Variants in ANKUB1 observed in about 807,000 individuals in gnomAD.
ANKUB1 encodes protein ANKUB1.
ANKUB1 carries 42 observed loss-of-function variants against 49.3 expected under a neutral mutation model. That is an observed-to-expected ratio of 0.85 (90% CI 0.67 to 1.10). ANKUB1 has a LOEUF of 1.10. Ranked by LOEUF, ANKUB1 falls within the 50% of genes least tolerant of loss-of-function variation. The probability of loss-of-function intolerance (pLI) is 0.00; values close to 1 mark genes in which losing one functional copy is unlikely to be tolerated. For synonymous variants in ANKUB1, 222 were observed against 231.0 expected, an observed-to-expected ratio of 0.96 and a Z score of 0.35; for missense variants, 613 against 642.0, an observed-to-expected ratio of 0.95 and a Z score of 0.49.
chr3:149,785,988 G>T (rs562990606), intron 2 of ANKUB1, among the ~76,000 whole-genome samples: 1 of 152,092 alleles, frequency 6.6e-6, no homozygotes, highest in South Asian at 2.1e-4. Context: ...TTGTGGTTTT[G>T]ATTTGCATTT....
chr3:149,780,394 A>G lies in ANKUB1; in HGVS notation c.296T>C (p.Met99Thr). Reference protein sequence around the residue: ...NAVTQDTMPVMESISLLDKTV... With the variant: ...NAVTQDTMPVTESISLLDKTV... ...TTTATCAAGAAGGGAAATGCTCTCC[A>G]TTACTGGCATTGTGTCTTGAGTTAC... Residue 99 changes from methionine to threonine, a missense_variant, in exon 3 of 6, where the codon ATG (methionine) becomes ACG (threonine). Physicochemically the swap from Met to Thr is moderately conservative, Grantham distance 81. Transcript: ENST00000446160. 6.4e-7 allele frequency: 1 copy of G among 1,552,246 alleles called. No individual in the cohort carries two copies. Among genetic ancestry groups the G allele is most frequent in the Non-Finnish European group, 8.7e-7 (1 of 1,147,076 alleles).
chr3:149,791,591 T>C (rs767179567), intron 1 of ANKUB1, among the ~76,000 whole-genome samples: 5 of 152,210 alleles, frequency 3.3e-5, no homozygotes, highest in Admixed American at 6.5e-5. Flanking sequence ...ATCTACTGAA[T>C]ATCATGTAAC....
At chr3:149,786,091 A>G (rs1003171125) in intron 2 of ANKUB1, among the ~76,000 whole-genome samples, 1 of 152,044 alleles carries the variant, frequency 6.6e-6, no homozygotes, top group African/African-American at 2.4e-5. Flanking sequence ...GCCAGAGTGC[A>G]GTGGTGCTAT....
chr3:149,783,283 T>A (rs1717948675), intron 2 of ANKUB1: 1 of 152,198 alleles, frequency 6.6e-6, no homozygotes, highest in Non-Finnish European at 1.5e-5. Context: ...TCCCCAAGTA[T>A]TCTGAATCAC....
At chr3:149,781,190 C>T (rs1333385434) in intron 2 of ANKUB1, among the ~76,000 whole-genome samples, 1 of 152,054 alleles carries the variant, frequency 6.6e-6, no homozygotes, top group Non-Finnish European at 1.5e-5. Flanking sequence ...TTGTTTCTTT[C>T]ATTTTGTAAT....
At chr3:149,776,555 A>C (rs771660960) in intron 3 of ANKUB1, among the ~76,000 whole-genome samples, 58 of 152,204 alleles carry the variant, frequency 3.8e-4, no homozygotes, top group Non-Finnish European at 7.2e-4. Flanking sequence ...TTTAAAAAAA[A>C]GTACTCTCTG....
intron 2 of ANKUB1, among the ~76,000 whole-genome samples, chr3:149,790,256 G>A (rs561582482): frequency 6.6e-5 from 10 of 152,148 alleles, no homozygotes; most frequent in African/African-American, 2.2e-4. Flanking sequence ...AAGCCCAACC[G>A]TGCATCTTAA....
At chr3:149,790,321 A>T (rs915134074) in intron 2 of ANKUB1, among the ~76,000 whole-genome samples, 2 of 152,158 alleles carry the variant, frequency 1.3e-5, no homozygotes, top group African/African-American at 4.8e-5. Context: ...TTGCCTGTAC[A>T]CCTAATTGGA....
In ANKUB1 at chr3:149,767,991, A is replaced by C; in HGVS notation, c.671T>G (p.Val224Gly). Residue 224 changes from valine (V) to glycine (G), a missense_variant, in exon 5 of 6, where the codon GTT becomes GGT. Val to Gly is a moderately radical substitution (Grantham distance 109). Transcript: ENST00000446160. ...ATGGCACCATGCTCGATAGGGGTGAACACCGACTGCCTCGTGGGGCCGCGC... is the reference window on the plus strand; with the variant it reads ...ATGGCACCATGCTCGATAGGGGTGACCACCGACTGCCTCGTGGGGCCGCGC... ...QGARPHEAVG[V>G]HPYRAWCHEA... is the part of the protein sequence containing the mutation. The C allele has an allele frequency of 6.6e-7, 1 of 1,522,832 alleles. No individual in the cohort carries two copies. Among genetic ancestry groups the C allele is most frequent in the Admixed American group, 2.0e-5 (1 of 48,798 alleles). 94.3% of individuals were successfully genotyped at this position (1,522,832 alleles called of 1,614,324 possible).
At chr3:149,782,922 CA>C (rs1220951776) in intron 2 of ANKUB1, among the ~76,000 whole-genome samples, 1 of 148,304 alleles carries the variant, frequency 6.7e-6, no homozygotes, top group Admixed American at 6.9e-5. Context: ...TCTTAAGTCT[CA>C]AGAAAATTAA....
At chr3:149,764,072 C>A (rs1429574999) in intron 5 of ANKUB1, 1 of 455,220 alleles carries the variant, frequency 2.2e-6, no homozygotes, top group East Asian at 6.9e-5. Context: ...AGGTTCTTCC[C>A]CATTTCCTGG....
chr3:149,764,764 C>T (rs1716941550), intron 5 of ANKUB1, among the ~76,000 whole-genome samples: 1 of 150,058 alleles, frequency 6.7e-6, no homozygotes. Flanking sequence ...CTTTCCTTCA[C>T]AGAATAACAC....
chr3:149,771,302 T>C (rs1717348981), intron 3 of ANKUB1, among the ~76,000 whole-genome samples: 1 of 152,152 alleles, frequency 6.6e-6, no homozygotes, highest in Admixed American at 6.5e-5. Context: ...TTACGCAAGT[T>C]CCCTGGGGAT....
At chr3:149,770,862 G>T (rs1272613129) in intron 3 of ANKUB1, among the ~76,000 whole-genome samples, 188 bp from the exon 4 acceptor site, 2 of 152,210 alleles carry the variant, frequency 1.3e-5, no homozygotes, top group African/African-American at 4.8e-5. Flanking sequence ...AAGCTGTTTG[G>T]CATCTGTGTA....
In ANKUB1 at chr3:149,770,620, C is replaced by A; in HGVS notation, c.506G>T (p.Cys169Phe). ...WDGWKEFLMGCLLGQKLKVQR... is the reference protein window; with the variant it reads ...WDGWKEFLMGFLLGQKLKVQR... Reference sequence around the variant, plus strand: ...GACTTTAAGTTTTTGTCCAAGGAGACAACCCATCAGAAATTCCTTCCATCC... The same window carrying A: ...GACTTTAAGTTTTTGTCCAAGGAGAAAACCCATCAGAAATTCCTTCCATCC... Residue 169 changes from cysteine to phenylalanine, a missense_variant, in exon 4 of 6, where the codon TGT becomes TTT. By Grantham distance (205) the Cys-to-Phe change is radical. Transcript: ENST00000446160. 6.5e-7 allele frequency: 1 copy of A among 1,550,260 alleles called. No homozygotes were observed. The highest frequency in any genetic ancestry group is 1.2e-5 in the South Asian group (1 of 83,574).
At chr3:149,765,891 G>T (rs543597693) in intron 5 of ANKUB1, among the ~76,000 whole-genome samples, 61 of 152,260 alleles carry the variant, frequency 4.0e-4, no homozygotes, top group African/African-American at 1.1e-3. Context: ...ACCTCACTCT[G>T]TTGGATATTG....
chr3:149,790,623 AC>A (rs1718317312), intron 2 of ANKUB1, among the ~76,000 whole-genome samples, 157 bp downstream of exon 2: 1 of 152,226 alleles, frequency 6.6e-6, no homozygotes, highest in Non-Finnish European at 1.5e-5. Context: ...CCCTTACAGC[AC>A]AAAGCATGCG....
In ANKUB1 at chr3:149,767,569, C is replaced by G. The variant is rs923755969; in HGVS notation, c.1093G>C (p.Ala365Pro). ...PKMTSKSWHK[A>P]GNSDSQSIVL... ...ATGCTTTGTGAGTCGCTGTTCCCAG[C>G]CTTATGCCAGCTCTTGGAGGTCATT... is the stretch of plus-strand genomic sequence containing the variant. The change falls in exon 5 of 6, where the codon GCT becomes CCT. Residue 365 changes from alanine to proline, a missense_variant. Transcript: ENST00000446160. 6.4e-7 allele frequency: 1 copy of G among 1,551,666 alleles called. No individual in the cohort carries two copies.
intron 5 of ANKUB1, among the ~76,000 whole-genome samples, chr3:149,762,564 T>A (rs1298940685): frequency 6.6e-6 from 1 of 152,202 alleles, no homozygotes; most frequent in Non-Finnish European, 1.5e-5. Context: ...GTCCAGGTCT[T>A]TATTTTCTCT....
Sources: gnomAD v4.1 joint callset for allele counts (sites outside exome capture counted in the v4.1 genomes callset) on GRCh38, gnomAD v4.1.1 for gene constraint, MANE v1.5 for transcripts, NCBI Gene and HGNC (gene_info 2026-07-23, HGNC 2026-07-21) for gene names.